The following LARGE1 variants were observed in gnomAD, a reference collection of about 807,000 sequenced individuals.
LARGE1 encodes the protein xylosyl- and glucuronyltransferase LARGE1.
LARGE1 carries 43 observed loss-of-function variants against 87.6 expected under a neutral mutation model. The observed-to-expected ratio is 0.49, with a 90% CI of 0.38 to 0.63. The LOEUF (loss-of-function observed/expected upper bound fraction) is 0.63, where lower values mean the gene tolerates loss of function less well. LARGE1 is among the 30% of genes least tolerant of loss of function. LARGE1 has a pLI of 0.00. For synonymous variants in LARGE1, 434 were observed against 394.6 expected (o/e 1.10, Z -1.18); for missense variants, 802 against 1,000.2 (o/e 0.80, Z 2.67).
At chr22:33,444,111 A>T (rs1484155271) in intron 6 of LARGE1, among the ~76,000 whole-genome samples, 2 of 152,374 alleles carry the variant, frequency 1.3e-5, no homozygotes, top group East Asian at 3.9e-4. Flanking sequence ...GTTGTAGAAT[A>T]AGCACTTCTG....
chr22:33,338,727 A>G (rs775183620), intron 9 of LARGE1, among the ~76,000 whole-genome samples: 3 of 152,166 alleles, frequency 2.0e-5, no homozygotes, highest in Non-Finnish European at 4.4e-5. Context: ...GAGTGCCTAG[A>G]GTATAGAGGG....
At chr22:33,768,930 C>T (rs1456006285) in intron 1 of LARGE1, among the ~76,000 whole-genome samples, 2 of 152,146 alleles carry the variant, frequency 1.3e-5, no homozygotes, top group Non-Finnish European at 1.5e-5. Flanking sequence ...CATATATACA[C>T]GAATGTTTGA....
the LARGE1 span, among the ~76,000 whole-genome samples, chr22:33,112,206 G>A: frequency 6.6e-6 from 1 of 152,224 alleles, no homozygotes; most frequent in East Asian, 1.9e-4. Context: ...GAGGATGGGT[G>A]GTGGCCTGAG....
chr22:33,090,726 G>C, the LARGE1 span, among the ~76,000 whole-genome samples: 1 of 152,210 alleles, frequency 6.6e-6, no homozygotes, highest in African/African-American at 2.4e-5. Context: ...CTATTGCATA[G>C]TTATTTCAAG....
chr22:33,840,886 G>A (rs1422499640), intron 1 of LARGE1, among the ~76,000 whole-genome samples: 1 of 152,190 alleles, frequency 6.6e-6, no homozygotes, highest in Non-Finnish European at 1.5e-5. Flanking sequence ...GCCTCCCAAA[G>A]TGCTGGGATT....
At chr22:33,177,934 G>A (rs1922963875) in intron 11 of LARGE1, among the ~76,000 whole-genome samples, 1 of 152,082 alleles carries the variant, frequency 6.6e-6, no homozygotes, top group African/African-American at 2.4e-5. Context: ...AAAAGTGTGT[G>A]GCTCTTCCAG....
chr22:33,618,108 T>A (rs1298647309), intron 4 of LARGE1, among the ~76,000 whole-genome samples: 1 of 152,220 alleles, frequency 6.6e-6, no homozygotes, highest in East Asian at 1.9e-4. Flanking sequence ...TCTCAGTGAA[T>A]CTGTTGCACT....
chr22:33,533,951 A>C (rs557878286), intron 6 of LARGE1, among the ~76,000 whole-genome samples: 3 of 115,672 alleles, frequency 2.6e-5, no homozygotes, highest in African/African-American at 9.9e-5. Context: ...CCATTTCTTT[A>C]TTTTTTTTTT....
intron 1 of LARGE1, among the ~76,000 whole-genome samples, chr22:33,882,344 T>G (rs1418664021): frequency 6.6e-6 from 1 of 152,164 alleles, no homozygotes. Context: ...CTCTTTGCCT[T>G]CTATGAAATG....
rs1206576392 is a variant in LARGE1, at chr22:33,166,018, T to C, written c.*745A>G. 47 of 152,250 alleles carry C rather than the reference T, an allele frequency of 3.1e-4. 1 individual carries two copies. The highest frequency in any genetic ancestry group is 3.1e-3 in the Admixed American group (47 of 15,286). 9.4% of individuals were successfully genotyped at this position (152,250 alleles called of 1,614,324 possible). ...CCAGAGTAAACACTAGATTTTGCTATTCTGATGGCATAGAGGAAAGGACTT... is the reference window on the plus strand; with the variant it reads ...CCAGAGTAAACACTAGATTTTGCTACTCTGATGGCATAGAGGAAAGGACTT... On this transcript the variant is annotated 3_prime_UTR_variant, in exon 12 of 12. Coordinates refer to the LARGE1 transcript ENST00000608642.
chr22:33,469,590 C>T (rs1405279755), intron 6 of LARGE1, among the ~76,000 whole-genome samples: 3 of 151,942 alleles, frequency 2.0e-5, no homozygotes, highest in African/African-American at 4.8e-5. Flanking sequence ...TTCAGGAGGC[C>T]GAGGTGGGTG....
the LARGE1 span, among the ~76,000 whole-genome samples, chr22:33,136,279 A>G: frequency 2.0e-5 from 3 of 152,330 alleles, no homozygotes; most frequent in South Asian, 2.1e-4. Flanking sequence ...ACGGTTCCAC[A>G]TGGCTGGGGA....
At chr22:33,757,331 G>A (rs1317814550) in intron 2 of LARGE1, among the ~76,000 whole-genome samples, 1 of 151,958 alleles carries the variant, frequency 6.6e-6, no homozygotes, top group Non-Finnish European at 1.5e-5. Context: ...CCTTAATCGG[G>A]GAAGATTCTG....
intron 3 of LARGE1, among the ~76,000 whole-genome samples, chr22:33,631,014 G>A (rs111719110): frequency 0.018 from 2,699 of 151,908 alleles, 83 homozygotes; most frequent in African/African-American, 0.062. Flanking sequence ...CACCACGCCC[G>A]GCTAATTTTT....
chr22:33,688,082 A>T (rs1337506550), intron 2 of LARGE1, among the ~76,000 whole-genome samples: 2 of 152,192 alleles, frequency 1.3e-5, no homozygotes, highest in African/African-American at 4.8e-5. Flanking sequence ...TCAGGATTTA[A>T]ATGCAACAAA....
chr22:33,300,289 G>C (rs1933967983), intron 12 of LARGE1, among the ~76,000 whole-genome samples: 1 of 152,232 alleles, frequency 6.6e-6, no homozygotes, highest in African/African-American at 2.4e-5. Flanking sequence ...GAAGAACAGA[G>C]GTAATGACAG....
Position 33,397,376 on chromosome 22 carries a change from A to T in LARGE1, c.893-13072T>A, listed in dbSNP as rs527450480. Among the ~76,000 whole-genome samples, 280 of 152,264 alleles carry T rather than the reference A, an allele frequency of 1.8e-3. 2 individuals carry two copies. Among genetic ancestry groups the T allele is most frequent in the African/African-American group, 6.5e-3 (270 of 41,542 alleles). On this transcript the variant is annotated intron_variant, in intron 7 of 14. Transcript: ENST00000397394. ...CTGATCCTACCGCCTTGGCCTCCCA[A>T]AGTGCTGGGATTACAGGCATGAGCC...
At chr22:33,589,734 G>A (rs1043310064) in intron 5 of LARGE1, among the ~76,000 whole-genome samples, 4 of 152,030 alleles carry the variant, frequency 2.6e-5, no homozygotes, top group East Asian at 1.9e-4. Flanking sequence ...GACAGCTTTG[G>A]CCACATTCCA....
At chr22:33,210,020 C>T (rs1472480598) in intron 11 of LARGE1, among the ~76,000 whole-genome samples, 1 of 152,174 alleles carries the variant, frequency 6.6e-6, no homozygotes, top group Non-Finnish European at 1.5e-5. Context: ...CAGTACCCAC[C>T]CCAATCCTCT....
Sources: gnomAD v4.1 joint callset for allele counts (sites outside exome capture counted in the v4.1 genomes callset) on GRCh38, gnomAD v4.1.1 for gene constraint, MANE v1.5 for transcripts, NCBI Gene and HGNC (gene_info 2026-07-23, HGNC 2026-07-21) for gene names.